Variants in HACE1 observed in about 807,000 individuals in gnomAD.
HACE1 encodes HECT domain and ankyrin repeat containing E3 ubiquitin protein ligase 1.
Under a neutral mutation model 118.4 loss-of-function variants are expected in HACE1, and 73 were observed. The ratio of observed to expected loss-of-function variants is 0.62; its 90% CI spans 0.51 to 0.75. The LOEUF (loss-of-function observed/expected upper bound fraction) is 0.75, where lower values mean the gene tolerates loss of function less well. Among genes scored for constraint, HACE1 ranks in the 30% least tolerant of loss-of-function variants. The pLI, the probability that HACE1 is intolerant of heterozygous loss-of-function variation, is 0.00. For missense variants in HACE1, 749 were observed against 1,102.2 expected, an observed-to-expected ratio of 0.68 and a Z score of 4.54; for synonymous variants, 368 against 374.8, an observed-to-expected ratio of 0.98 and a Z score of 0.21.
At chr6:104,823,431 C>CAAA (rs767639076) in intron 6 of HACE1, among the ~76,000 whole-genome samples, 4 of 110,672 alleles carry the variant, frequency 3.6e-5, no homozygotes, top group African/African-American at 1.0e-4. Context: ...GACTCTGTCT[C>CAAA]AAAAAAAAAA....
At chr6:104,841,110 C>A (rs1268464514) in intron 5 of HACE1, among the ~76,000 whole-genome samples, 1 of 146,570 alleles carries the variant, frequency 6.8e-6, no homozygotes, top group Non-Finnish European at 1.5e-5. Context: ...AACAGTGAGA[C>A]TCTGTCTCAA....
At chr6:104,849,690 C>A (rs1367547237) in intron 3 of HACE1, among the ~76,000 whole-genome samples, 1 of 147,440 alleles carries the variant, frequency 6.8e-6, no homozygotes, top group Non-Finnish European at 1.5e-5. Flanking sequence ...CGCATGTCAC[C>A]CAGGCTGGAG....
chr6:104,820,623 T>C lies in HACE1; in HGVS notation c.535-9230A>G, dbSNP rs560253290. ...TCACTGATCATTAGAGAAATGCAAA[T>C]CAAAACCACAATGAGATACCATCTC... On this transcript the variant is annotated intron_variant, in intron 6 of 23. Coordinates refer to ENST00000262903, the MANE Select transcript of HACE1 (RefSeq NM_020771.4). Among the ~76,000 whole-genome samples the C allele has an allele frequency of 2.6e-5, 4 of 152,042 alleles. No homozygotes were observed. The South Asian group carries it at 6.2e-4, about 24-fold the overall frequency.
chr6:104,858,768 C>T (rs1777002661), intron 1 of HACE1, among the ~76,000 whole-genome samples: 1 of 152,196 alleles, frequency 6.6e-6, no homozygotes, highest in Admixed American at 6.5e-5. Flanking sequence ...TTAGAAGCAG[C>T]ACTGCTGTCT....
chr6:104,830,372 G>A (rs1439341670), intron 6 of HACE1, among the ~76,000 whole-genome samples: 1 of 152,056 alleles, frequency 6.6e-6, no homozygotes, highest in African/African-American at 2.4e-5. Flanking sequence ...ACACTGCATT[G>A]GTTTTCAGAT....
Position 104,737,121 on chromosome 6 carries a change from T to TA in HACE1, c.2514-6706dup, listed in dbSNP as rs34153414. ...CACGATGGTGAAACCTCATCTCTACTAAAAAAAAAAAAATACAAAAATTAG... is the reference window on the plus strand; with the variant it reads ...CACGATGGTGAAACCTCATCTCTACTAAAAAAAAAAAAAATACAAAAATTAG... On this transcript the variant is annotated intron_variant, in intron 22 of 23. Transcript: ENST00000262903. Among the ~76,000 whole-genome samples, 522 of 142,512 alleles carry TA rather than the reference T, an allele frequency of 3.7e-3. 4 individuals carry two copies. Among genetic ancestry groups the TA allele is most frequent in the African/African-American group, 0.011 (445 of 39,080 alleles). The allele number at this position is 142,512 out of a possible 152,430, so 93.5% of individuals were successfully genotyped here. A position where few individuals can be genotyped will look rare whatever the true frequency, so the allele number is the denominator to read the frequency against.
At chr6:104,759,398 C>T (rs1779080045) in intron 19 of HACE1, among the ~76,000 whole-genome samples, 1 of 152,174 alleles carries the variant, frequency 6.6e-6, no homozygotes, top group Non-Finnish European at 1.5e-5. Flanking sequence ...AAGAAACTCA[C>T]TCAAAACTGC....
At chr6:104,755,682 T>G (rs1778527176) in intron 19 of HACE1, among the ~76,000 whole-genome samples, 1 of 152,168 alleles carries the variant, frequency 6.6e-6, no homozygotes, top group Admixed American at 6.5e-5. Context: ...GAATGACTCT[T>G]GGGTAAACAA....
chr6:104,838,223 G>C (rs1268919293), intron 5 of HACE1, among the ~76,000 whole-genome samples: 1 of 152,070 alleles, frequency 6.6e-6, no homozygotes, highest in Non-Finnish European at 1.5e-5. Context: ...AATTTATATG[G>C]AATCACAAAA....
At chr6:104,797,089 G>T in intron 7 of HACE1, 64 bp from the exon 8 acceptor site, 4 of 898,874 alleles carry the variant, frequency 4.5e-6, no homozygotes, top group Admixed American at 3.4e-5. Context: ...ATGAATTATG[G>T]ATAGTTAATA....
In HACE1 at chr6:104,795,681, C is replaced by G. The variant is rs200884670; in HGVS notation, c.821G>C (p.Arg274Pro). 3 of 1,598,564 alleles carry G rather than the reference C, an allele frequency of 1.9e-6. No individual in the cohort carries two copies. Among genetic ancestry groups the G allele is most frequent in the Non-Finnish European group, 2.6e-6 (3 of 1,166,176 alleles). ...QNEDLRENML[R>P]QVLEHLSQQS... ...CTGAGACAAATGCTCCAGAACTTGC[C>G]GTAACTAAATTTTTTACAAATAAAA... Residue 274 changes from arginine (R) to proline (P), a missense_variant, in exon 10 of 24, where the codon CGG becomes CCG. Physicochemically the swap from Arg to Pro is moderately radical, Grantham distance 103. Coordinates refer to ENST00000262903, the MANE Select transcript of HACE1 (RefSeq NM_020771.4).
At chr6:104,846,948 C>G (rs1175596928) in intron 4 of HACE1, among the ~76,000 whole-genome samples, 3 of 152,130 alleles carry the variant, frequency 2.0e-5, no homozygotes, top group Non-Finnish European at 4.4e-5. Context: ...GTCATGAATT[C>G]TTTTTATTCC....
intron 6 of HACE1, 61 bp from the exon 7 acceptor site, chr6:104,811,454 C>A: frequency 1.2e-6 from 1 of 814,276 alleles, no homozygotes; most frequent in Non-Finnish European, 2.2e-6. Flanking sequence ...ATACAATTAC[C>A]ACAATTTTAA....
chr6:104,771,341 G>A lies in HACE1; in HGVS notation c.2063C>T (p.Ala688Val), dbSNP rs1299609084. 5.6e-6 allele frequency: 9 copies of A among 1,612,294 alleles called. No homozygotes were observed. Among genetic ancestry groups the A allele is most frequent in the Non-Finnish European group, 6.8e-6 (8 of 1,178,602 alleles). ...ATCTAAAATCCATTGCAAATTTTTC[G>A]CATATTCTGGATCAATGGATGCCAC... ...QDVASIDPEYAKNLQWILDND... is the reference protein window; with the variant it reads ...QDVASIDPEYVKNLQWILDND... The change falls in exon 19 of 24, where the codon GCG becomes GTG. Residue 688 changes from alanine to valine, a missense_variant. Physicochemically the swap from Ala to Val is moderately conservative, Grantham distance 64 (BLOSUM62 0). This residue lies in a region of HACE1 where 195 missense variants were observed against 322.1 expected (regional missense o/e 0.61). Coordinates refer to ENST00000262903, the MANE Select transcript of HACE1 (RefSeq NM_020771.4).
intron 7 of HACE1, among the ~76,000 whole-genome samples, chr6:104,802,430 C>T (rs890709177): frequency 1.3e-5 from 2 of 152,210 alleles, no homozygotes; most frequent in Non-Finnish European, 2.9e-5. Flanking sequence ...CTCAGCACGA[C>T]ATCACACTTA....
chr6:104,774,756 A>G (rs1161040039), intron 17 of HACE1, among the ~76,000 whole-genome samples: 2 of 152,238 alleles, frequency 1.3e-5, no homozygotes, highest in Non-Finnish European at 2.9e-5. Context: ...GATTGTATCA[A>G]AAGAATAGCA....
At chr6:104,796,574 T>A (rs559159334) in intron 9 of HACE1, 81 bp downstream of exon 9, 1 of 772,864 alleles carries the variant, frequency 1.3e-6, no homozygotes, top group South Asian at 1.4e-5. Flanking sequence ...ATTACTAAGC[T>A]AAGCACATTT....
chr6:104,734,210 T>C (rs1046440113), intron 22 of HACE1, among the ~76,000 whole-genome samples: 5 of 151,400 alleles, frequency 3.3e-5, no homozygotes, highest in African/African-American at 1.2e-4. Flanking sequence ...AGTAAAACAT[T>C]TAAGATGGCC....
At chr6:104,754,751 C>T (rs1202236302) in intron 19 of HACE1, among the ~76,000 whole-genome samples, 1 of 152,144 alleles carries the variant, frequency 6.6e-6, no homozygotes, top group Admixed American at 6.5e-5. Flanking sequence ...GAATTTGTTA[C>T]TACCAGTCCT....
Sources: allele counts gnomAD v4.1 joint callset (sites outside exome capture counted in the v4.1 genomes callset), GRCh38; gene constraint gnomAD v4.1.1; regional missense constraint gnomAD v4.1.1; transcripts MANE v1.5; gene names NCBI Gene and HGNC (gene_info 2026-07-23, HGNC 2026-07-21).